Variants in C12orf42 observed in about 807,000 individuals in gnomAD.
C12orf42 encodes chromosome 12 open reading frame 42, also known as uncharacterized protein C12orf42.
A neutral mutation model predicts 21.6 loss-of-function variants in C12orf42; 25 were observed. The observed-to-expected ratio is 1.16, with a 90% CI of 0.84 to 1.62. The LOEUF (loss-of-function observed/expected upper bound fraction) is 1.62, where lower values mean the gene tolerates loss of function less well. Among genes scored for constraint, C12orf42 ranks in the 40% most tolerant of loss-of-function variants. The probability of loss-of-function intolerance (pLI) is 0.00; values close to 1 mark genes in which losing one functional copy is unlikely to be tolerated. For synonymous variants in C12orf42, 174 were observed against 175.0 expected (o/e 0.99, Z 0.05); for missense variants, 483 against 459.3 (o/e 1.05, Z -0.47).
At chr12:103,366,893 G>T (rs1174439963) in intron 4 of C12orf42, among the ~76,000 whole-genome samples, 1 of 152,184 alleles carries the variant, frequency 6.6e-6, no homozygotes, top group East Asian at 1.9e-4. Context: ...ACAGTGTGGA[G>T]ATTCTTTAAA....
At chr12:103,103,717 G>A in the C12orf42 span, among the ~76,000 whole-genome samples, 1 of 151,004 alleles carries the variant, frequency 6.6e-6, no homozygotes, top group Non-Finnish European at 1.5e-5. Context: ...GTATTAAAAC[G>A]ATTACAATAA....
chr12:103,491,994 T>C (rs1339749002), intron 1 of C12orf42, among the ~76,000 whole-genome samples: 1 of 152,194 alleles, frequency 6.6e-6, no homozygotes, highest in Non-Finnish European at 1.5e-5. Flanking sequence ...TCTCACTCTG[T>C]CACCCAGGTT....
At chr12:103,116,767 A>T in the C12orf42 span, among the ~76,000 whole-genome samples, 7 of 152,122 alleles carry the variant, frequency 4.6e-5, no homozygotes, top group African/African-American at 1.7e-4. Flanking sequence ...GTAGGAAGGT[A>T]TTTTTCTCCC....
At chr12:103,462,502 A>G (rs1402391529) in intron 2 of C12orf42, among the ~76,000 whole-genome samples, 1 of 152,166 alleles carries the variant, frequency 6.6e-6, no homozygotes, top group East Asian at 1.9e-4. Context: ...GTAACATCAT[A>G]GGTGGTTGCT....
chr12:103,283,720 A>G lies in C12orf42; in HGVS notation n.338-6510T>C, dbSNP rs116871794. The stretch of plus-strand genomic sequence containing the variant: ...TGACAGCATCATCTATCTCCCACCC[A>G]CTGGCACAAAGCTCCTTAAGGAGAA... On this transcript the variant is annotated intron_variant and non_coding_transcript_variant, in intron 4 of 6. Coordinates refer to the C12orf42 transcript ENST00000546526. 2.1e-3 allele frequency among the ~76,000 whole-genome samples: 324 copies of G among 152,180 alleles called. 10 individuals are homozygous for G. The East Asian group carries it at 0.051, about 24-fold the overall frequency.
chr12:103,168,149 G>A, the C12orf42 span: 1 of 452,372 alleles, frequency 2.2e-6, no homozygotes. Flanking sequence ...GCAAGACCCA[G>A]GGCATATCAT....
At chr12:103,168,741 CA>C in the C12orf42 span, among the ~76,000 whole-genome samples, 1 of 152,046 alleles carries the variant, frequency 6.6e-6, no homozygotes, top group African/African-American at 2.4e-5. Context: ...TTCACAATAG[CA>C]AAGACATGGA....
chr12:103,461,513 G>A (rs768749882), intron 2 of C12orf42, among the ~76,000 whole-genome samples: 1 of 152,134 alleles, frequency 6.6e-6, no homozygotes, highest in Non-Finnish European at 1.5e-5. Flanking sequence ...TCCATAACAT[G>A]TACAGACATG....
chr12:103,146,826 T>C, the C12orf42 span, among the ~76,000 whole-genome samples: 2 of 152,180 alleles, frequency 1.3e-5, no homozygotes, highest in Admixed American at 6.6e-5. Flanking sequence ...TATCTACCAA[T>C]TGTGGTTTGC....
intron 4 of C12orf42, among the ~76,000 whole-genome samples, chr12:103,312,984 A>T: frequency 6.6e-6 from 1 of 152,140 alleles, no homozygotes; most frequent in African/African-American, 2.4e-5. Context: ...ACCACTTCAC[A>T]CCCACTTCTT....
chr12:103,103,594 GA>G, the C12orf42 span, among the ~76,000 whole-genome samples: 2 of 152,054 alleles, frequency 1.3e-5, no homozygotes, highest in African/African-American at 4.8e-5. Context: ...TGGATCCTGA[GA>G]AATCATCAGA....
chr12:103,093,107 T>A, the C12orf42 span, among the ~76,000 whole-genome samples: 22 of 152,202 alleles, frequency 1.4e-4, no homozygotes, highest in Admixed American at 5.2e-4. Context: ...TTCCTACTAT[T>A]TCCTCTATAA....
the C12orf42 span, among the ~76,000 whole-genome samples, chr12:103,542,326 G>C: frequency 1.3e-5 from 2 of 152,174 alleles, no homozygotes; most frequent in Non-Finnish European, 2.9e-5. Context: ...AAGAATTCTT[G>C]GAAATTCTAG....
chr12:103,266,527 G>A (rs1381112140), downstream of C12orf42, among the ~76,000 whole-genome samples: 1 of 151,970 alleles, frequency 6.6e-6, no homozygotes, highest in Non-Finnish European at 1.5e-5. Flanking sequence ...AGAATTAAAA[G>A]AAATAGAAAA....
chr12:103,108,553 GA>G, the C12orf42 span, among the ~76,000 whole-genome samples: 1 of 151,990 alleles, frequency 6.6e-6, no homozygotes, highest in Non-Finnish European at 1.5e-5. Context: ...AAAAAACAGA[GA>G]AAATACAACC....
intron 4 of C12orf42, among the ~76,000 whole-genome samples, chr12:103,288,722 C>T (rs1051497614): frequency 2.0e-5 from 3 of 152,076 alleles, no homozygotes; most frequent in Non-Finnish European, 4.4e-5. Context: ...TGGTAAGATG[C>T]TTTATTTATA....
intron 5 of C12orf42, chr12:103,273,747 A>T: frequency 9.2e-6 from 4 of 432,648 alleles, no homozygotes; most frequent in South Asian, 6.5e-5. Flanking sequence ...GAAAAGGAGG[A>T]GGAGAAAGAG....
At chr12:103,197,998 C>G in the C12orf42 span, among the ~76,000 whole-genome samples, 5 of 152,132 alleles carry the variant, frequency 3.3e-5, no homozygotes, top group African/African-American at 1.2e-4. Context: ...GGGGTCCCAG[C>G]AAAAGTGTTT....
At chr12:103,183,028 TA>T in the C12orf42 span, among the ~76,000 whole-genome samples, 2,904 of 152,336 alleles carry the variant, frequency 0.019, 35 homozygotes, top group East Asian at 0.028. Context: ...ACTCCTCTTG[TA>T]TTTTGTGAAA....
Sources: gnomAD v4.1 joint callset for allele counts (sites outside exome capture counted in the v4.1 genomes callset) on GRCh38, gnomAD v4.1.1 for gene constraint, MANE v1.5 for transcripts, NCBI Gene and HGNC (gene_info 2026-07-23, HGNC 2026-07-21) for gene names.